The following TBCD variants were observed in gnomAD, a reference collection of about 807,000 sequenced individuals.
TBCD encodes tubulin-specific chaperone D.
In TBCD, 105 loss-of-function variants were observed where a neutral mutation model predicts 169.3. The observed-to-expected ratio is 0.62, with a 90% CI of 0.53 to 0.73. The LOEUF (loss-of-function observed/expected upper bound fraction) is 0.73, where lower values mean the gene tolerates loss of function less well. Among genes scored for constraint, TBCD ranks in the 30% least tolerant of loss-of-function variants. TBCD has a pLI of 0.00. For synonymous variants in TBCD, 700 were observed against 643.9 expected (o/e 1.09, Z -1.32); for missense variants, 1,444 against 1,600.1 (o/e 0.90, Z 1.66).
chr17:82,845,698 G>A (rs1038467753), intron 13 of TBCD, among the ~76,000 whole-genome samples: 15 of 152,168 alleles, frequency 9.9e-5, no homozygotes, highest in African/African-American at 3.6e-4. Flanking sequence ...ACTGTGTGCT[G>A]GGACTCAAGT....
At chr17:82,937,796 G>A in intron 35 of TBCD, 2 of 1,369,928 alleles carry the variant, frequency 1.5e-6, no homozygotes, top group Middle Eastern at 1.9e-4. Flanking sequence ...TCATGGCAGG[G>A]CGAGCGGCCC....
chr17:82,912,783 G>A (rs2060739746), intron 23 of TBCD, among the ~76,000 whole-genome samples: 1 of 152,264 alleles, frequency 6.6e-6, no homozygotes, highest in Non-Finnish European at 1.5e-5. Flanking sequence ...CCCGAGGCCT[G>A]CAGCCATCTA....
intron 13 of TBCD, among the ~76,000 whole-genome samples, chr17:82,868,375 C>A (rs1295147403): frequency 1.3e-5 from 2 of 152,110 alleles, no homozygotes; most frequent in South Asian, 2.1e-4. Flanking sequence ...CTGGCAGGGA[C>A]CCCGGAATGT....
At chr17:82,904,593 T>C (rs2060109636) in intron 19 of TBCD, among the ~76,000 whole-genome samples, 1 of 152,184 alleles carries the variant, frequency 6.6e-6, no homozygotes, top group African/African-American at 2.4e-5. Context: ...GAATAAATAA[T>C]CATCTGACTT....
chr17:82,850,342 GCTGTTGTTGGCTGTC>G lies in TBCD; in HGVS notation c.1319-19852_1319-19838del, dbSNP rs879426882. ...TGTTGGCTGTGCTGTTGTTGGCTGTGCTGTTGTTGGCTGTCCTGTTGTTGGCTGTCCTGTTGTTGG... is the reference window on the plus strand; with the variant it reads ...TGTTGGCTGTGCTGTTGTTGGCTGTGCTGTTGTTGGCTGTCCTGTTGTTGG... On this transcript the variant is annotated intron_variant, in intron 13 of 38. Transcript: ENST00000355528. Among the ~76,000 whole-genome samples the G allele has an allele frequency of 6.9e-3, 699 of 101,174 alleles. 6 individuals are homozygous for G. Among genetic ancestry groups the G allele is most frequent in the Middle Eastern group, 0.024 (4 of 170 alleles). The allele number at this position is 101,174 out of a possible 152,430, so 66.4% of individuals were successfully genotyped here. A position where few individuals can be genotyped will look rare whatever the true frequency, so the allele number is the denominator to read the frequency against.
intron 22 of TBCD, among the ~76,000 whole-genome samples, chr17:82,910,120 C>T (rs913735442): frequency 1.3e-5 from 2 of 152,244 alleles, no homozygotes; most frequent in Non-Finnish European, 2.9e-5. Context: ...CACATCTAGA[C>T]GTACAAGTCT....
At chr17:82,840,136 C>T (rs2054343779) in intron 13 of TBCD, 1 of 152,200 alleles carries the variant, frequency 6.6e-6, no homozygotes, top group African/African-American at 2.4e-5. Flanking sequence ...TTTGCACCCA[C>T]CGAGCTGCTG....
intron 13 of TBCD, among the ~76,000 whole-genome samples, chr17:82,849,961 C>T (rs962656095): frequency 4.0e-3 from 434 of 107,230 alleles, no homozygotes; most frequent in Non-Finnish European, 5.4e-3. Flanking sequence ...GCCTGTGCTG[C>T]TGTTGGCTGT....
At chr17:82,937,204 C>T (rs955286517) in intron 34 of TBCD, 67 bp from the exon 35 acceptor site, 5 of 1,465,036 alleles carry the variant, frequency 3.4e-6, no homozygotes, top group Admixed American at 1.7e-5. Flanking sequence ...TTCTTTGAGA[C>T]AGAAAAAGTG....
At chr17:82,755,590 C>T (rs769463764) in intron 1 of TBCD, among the ~76,000 whole-genome samples, 4 of 152,064 alleles carry the variant, frequency 2.6e-5, no homozygotes, top group Non-Finnish European at 4.4e-5. Flanking sequence ...TGAATTCCAA[C>T]GAGAGGAGGG....
At chr17:82,869,843 G>A (rs80112422) in intron 13 of TBCD, among the ~76,000 whole-genome samples, 2 of 151,852 alleles carry the variant, frequency 1.3e-5, no homozygotes, top group Non-Finnish European at 2.9e-5. Context: ...AACCAGGGGC[G>A]CCTCTCCCTC....
chr17:82,877,635 C>T (rs114134180), intron 14 of TBCD, among the ~76,000 whole-genome samples: 3,383 of 152,184 alleles, frequency 0.022, 145 homozygotes, highest in African/African-American at 0.077. Context: ...CCACTGCGCC[C>T]GGCTGTAGTT....
chr17:82,906,588 G>A (rs182454794), intron 20 of TBCD, among the ~76,000 whole-genome samples: 43 of 152,374 alleles, frequency 2.8e-4, no homozygotes, highest in South Asian at 1.7e-3. Flanking sequence ...ATCGACTGTC[G>A]TCTTACGTTT....
At chr17:82,822,001 T>C (rs2052453739) in intron 13 of TBCD, among the ~76,000 whole-genome samples, 4 of 152,372 alleles carry the variant, frequency 2.6e-5, no homozygotes, top group South Asian at 4.1e-4. Context: ...TCAGTGTTCA[T>C]CGAAGACGTA....
At chr17:82,839,264 CAT>C in intron 13 of TBCD, among the ~76,000 whole-genome samples, 1 of 152,172 alleles carries the variant, frequency 6.6e-6, no homozygotes, top group Admixed American at 6.5e-5. Context: ...ATACACCACA[CAT>C]ATATATAACC....
At chr17:82,827,160 G>A (rs1244915727) in intron 13 of TBCD, among the ~76,000 whole-genome samples, 1 of 152,210 alleles carries the variant, frequency 6.6e-6, no homozygotes, top group Non-Finnish European at 1.5e-5. Context: ...TTTTGCTTTA[G>A]CAATGCTGGT....
chr17:82,861,540 C>T (rs534062242), intron 13 of TBCD, among the ~76,000 whole-genome samples: 22 of 152,174 alleles, frequency 1.4e-4, no homozygotes, highest in Non-Finnish European at 3.1e-4. Context: ...GAGACCTGAG[C>T]CCGGCCCCGG....
intron 33 of TBCD, among the ~76,000 whole-genome samples, chr17:82,931,268 C>T (rs2062176998): frequency 6.6e-6 from 1 of 152,228 alleles, no homozygotes; most frequent in African/African-American, 2.4e-5. Flanking sequence ...AGGAACTCGG[C>T]CCAGCCATGT....
rs2051014858 is a variant in TBCD, at chr17:82,806,995, C to T, written c.1088-613C>T. ...CAGGCAGTCCCCCCTGCCCGCATTC[C>T]AGCTGCTGTGCTGGCTCCAGACTGT... On this transcript the variant is annotated intron_variant, in intron 10 of 38. Transcript: ENST00000355528. The surrounding 1 kb of genome is among the most constrained non-coding windows in gnomAD (Gnocchi z 5.1). 6.6e-6 allele frequency among the ~76,000 whole-genome samples: 1 copy of T among 152,250 alleles called. No homozygotes were observed. The highest frequency in any genetic ancestry group is 6.5e-5 in the Admixed American group (1 of 15,288).
Sources: allele counts gnomAD v4.1 joint callset (sites outside exome capture counted in the v4.1 genomes callset), GRCh38; gene constraint gnomAD v4.1.1; non-coding constraint Gnocchi (gnomAD v3.1); transcripts MANE v1.5; gene names NCBI Gene and HGNC (gene_info 2026-07-23, HGNC 2026-07-21).